The following SLC7A1 variants were observed in gnomAD, a reference collection of about 807,000 sequenced individuals.
SLC7A1 encodes the protein high affinity cationic amino acid transporter 1.
SLC7A1 carries 10 observed loss-of-function variants against 53.9 expected under a neutral mutation model. The observed-to-expected ratio is 0.19, with a 90% CI of 0.11 to 0.31. The LOEUF is 0.31. Ranked by LOEUF, SLC7A1 falls within the 10% of genes least tolerant of loss-of-function variation. The probability of loss-of-function intolerance (pLI) is 1.00; values close to 1 mark genes in which losing one functional copy is unlikely to be tolerated. For synonymous variants in SLC7A1, 342 were observed against 338.7 expected (o/e 1.01, Z -0.11); for missense variants, 525 against 827.2 (o/e 0.63, Z 4.48).
chr13:29,555,632 G>C (rs1448983247), intron 1 of SLC7A1, among the ~76,000 whole-genome samples: 1 of 151,680 alleles, frequency 6.6e-6, no homozygotes, highest in East Asian at 1.9e-4. Context: ...GGCCATGATT[G>C]GGATTCGTAG....
chr13:29,519,081 C>T (rs575340104), intron 9 of SLC7A1, among the ~76,000 whole-genome samples: 20 of 152,294 alleles, frequency 1.3e-4, no homozygotes, highest in African/African-American at 4.6e-4. Context: ...TTTCCTAACT[C>T]CTACCAGGGC....
chr13:29,587,517 A>G (rs1179884219), intron 1 of SLC7A1, among the ~76,000 whole-genome samples: 2 of 152,174 alleles, frequency 1.3e-5, no homozygotes, highest in Admixed American at 6.5e-5. Flanking sequence ...TCTAACAACC[A>G]CATGAAGCAC....
intron 1 of SLC7A1, among the ~76,000 whole-genome samples, chr13:29,569,844 C>T (rs1345213162): frequency 6.6e-6 from 1 of 152,160 alleles, no homozygotes; most frequent in African/African-American, 2.4e-5. Flanking sequence ...CGGTGCTTAT[C>T]AGAGCTCTAG....
At chr13:29,549,839 A>AT (rs1870094674) in intron 2 of SLC7A1, among the ~76,000 whole-genome samples, 1 of 151,840 alleles carries the variant, frequency 6.6e-6, no homozygotes, top group South Asian at 2.1e-4. Context: ...TAATTTTTGT[A>AT]TTTTTTTAGT....
chr13:29,554,568 A>G (rs1216817093), intron 1 of SLC7A1, among the ~76,000 whole-genome samples: 1 of 152,208 alleles, frequency 6.6e-6, no homozygotes, highest in Non-Finnish European at 1.5e-5. Context: ...CATGGCATAT[A>G]AAGTCCTTTG....
intron 1 of SLC7A1, among the ~76,000 whole-genome samples, chr13:29,585,078 C>G (rs964017201): frequency 6.6e-6 from 1 of 152,212 alleles, no homozygotes; most frequent in Non-Finnish European, 1.5e-5. Flanking sequence ...AGGACAGATA[C>G]CCCAGTATGC....
intron 8 of SLC7A1, among the ~76,000 whole-genome samples, chr13:29,521,206 A>C (rs1407436016): frequency 1.3e-5 from 2 of 152,240 alleles, no homozygotes; most frequent in East Asian, 1.9e-4. Context: ...TCATAATTTA[A>C]AAATAGGTGT....
chr13:29,594,897 G>A (rs1872245919), intron 1 of SLC7A1, among the ~76,000 whole-genome samples: 2 of 152,058 alleles, frequency 1.3e-5, no homozygotes, highest in African/African-American at 4.8e-5. Context: ...CCACCCTCCG[G>A]GCGGCCGGGC....
At chr13:29,533,296 C>T (rs1214051784) in intron 3 of SLC7A1, among the ~76,000 whole-genome samples, 1 of 152,096 alleles carries the variant, frequency 6.6e-6, no homozygotes, top group Non-Finnish European at 1.5e-5. Flanking sequence ...CTGAGAGGCA[C>T]TCTGATAATA....
At chr13:29,572,338 G>A (rs571594896) in intron 1 of SLC7A1, among the ~76,000 whole-genome samples, 20 of 152,342 alleles carry the variant, frequency 1.3e-4, no homozygotes, top group Admixed American at 2.0e-4. Flanking sequence ...CCACGCACAC[G>A]CTGTCAATAA....
chr13:29,566,789 A>C (rs1157057944), intron 1 of SLC7A1, among the ~76,000 whole-genome samples: 2 of 152,192 alleles, frequency 1.3e-5, no homozygotes, highest in African/African-American at 4.8e-5. Flanking sequence ...TTTTTGTAAA[A>C]AAAGTCAAGA....
intron 1 of SLC7A1, among the ~76,000 whole-genome samples, chr13:29,584,110 T>G (rs796186647): frequency 1.1e-5 from 1 of 91,166 alleles, no homozygotes; most frequent in African/African-American, 2.6e-5. Context: ...TATTTGTAAC[T>G]TTTTTTTTCT....
chr13:29,512,532 G>C lies in SLC7A1; in HGVS notation c.*1948C>G, dbSNP rs989455232. On this transcript the variant is annotated 3_prime_UTR_variant, in exon 13 of 13. Coordinates refer to ENST00000380752, the MANE Select transcript of SLC7A1 (RefSeq NM_003045.5). ...TTTTCTTGGAGACTGTCTATCCCTC[G>C]AATTCTCTTTGCCTATGTAGAAAAT... 5.3e-5 allele frequency: 8 copies of C among 151,924 alleles called. No individual in the cohort carries two copies. The highest frequency in any genetic ancestry group is 1.2e-4 in the Non-Finnish European group (8 of 68,004). The allele number at this position is 151,924 out of a possible 1,614,324, so 9.4% of individuals were successfully genotyped here. A position where few individuals can be genotyped will look rare whatever the true frequency, so the allele number is the denominator to read the frequency against.
chr13:29,554,461 G>A (rs1279183533), intron 1 of SLC7A1, among the ~76,000 whole-genome samples: 1 of 152,196 alleles, frequency 6.6e-6, no homozygotes, highest in African/African-American at 2.4e-5. Context: ...TGGGATGCAG[G>A]ACCTTGTTGC....
At chr13:29,543,251 CAAG>C (rs1869747775) in intron 2 of SLC7A1, among the ~76,000 whole-genome samples, 2 of 152,196 alleles carry the variant, frequency 1.3e-5, no homozygotes, top group Admixed American at 1.3e-4. Flanking sequence ...GGCCTTCCAT[CAAG>C]AAGTACAGAG....
chr13:29,564,160 T>C (rs1309979827), intron 1 of SLC7A1, among the ~76,000 whole-genome samples: 1 of 152,128 alleles, frequency 6.6e-6, no homozygotes, highest in East Asian at 1.9e-4. Context: ...TTCCACTCAG[T>C]CATTTCCCGC....
chr13:29,584,013 A>G (rs549293718), intron 1 of SLC7A1, among the ~76,000 whole-genome samples: 1 of 152,360 alleles, frequency 6.6e-6, no homozygotes, highest in Admixed American at 6.5e-5. Context: ...TAACAGAGTC[A>G]TCATTTATTT....
At chr13:29,525,802 GTA>G (rs973451593) in intron 5 of SLC7A1, among the ~76,000 whole-genome samples, 2 of 152,228 alleles carry the variant, frequency 1.3e-5, no homozygotes, top group African/African-American at 4.8e-5. Context: ...TTGTGTTAGA[GTA>G]TGACTAAAAC....
At chr13:29,528,912 G>A (rs1045223472) in intron 5 of SLC7A1, among the ~76,000 whole-genome samples, 3 of 152,200 alleles carry the variant, frequency 2.0e-5, no homozygotes, top group African/African-American at 7.2e-5. Flanking sequence ...CCATTGGCTG[G>A]CACAATCTCT....
Sources: gnomAD v4.1 joint callset for allele counts (sites outside exome capture counted in the v4.1 genomes callset) on GRCh38, gnomAD v4.1.1 for gene constraint, MANE v1.5 for transcripts, NCBI Gene and HGNC (gene_info 2026-07-23, HGNC 2026-07-21) for gene names.